DLG1: variants seen among roughly 807,000 people sequenced by gnomAD.
The protein encoded by DLG1 is discs large MAGUK scaffold protein 1.
DLG1 carries 42 observed loss-of-function variants against 123.4 expected under a neutral mutation model. The ratio of observed to expected loss-of-function variants is 0.34; its 90% CI spans 0.27 to 0.44. DLG1 has a LOEUF of 0.44. Ranked by LOEUF, DLG1 falls within the 20% of genes least tolerant of loss-of-function variation. DLG1 has a pLI of 1.00. For synonymous variants in DLG1, 317 were observed against 356.2 expected (o/e 0.89, Z 1.24); for missense variants, 942 against 1,082.6 (o/e 0.87, Z 1.82).
At chr3:197,217,353 G>C (rs898702986) in intron 4 of DLG1, among the ~76,000 whole-genome samples, 4 of 152,290 alleles carry the variant, frequency 2.6e-5, no homozygotes, top group South Asian at 2.1e-4. Context: ...TATGGATCAA[G>C]AACAATGAAT....
intron 6 of DLG1, among the ~76,000 whole-genome samples, chr3:197,144,471 A>G (rs1424077127): frequency 6.6e-6 from 1 of 152,154 alleles, no homozygotes; most frequent in Non-Finnish European, 1.5e-5. Flanking sequence ...AACCCACACC[A>G]TGTAAAGCAG....
At chr3:197,051,867 T>C (rs1355790883) in intron 23 of DLG1, among the ~76,000 whole-genome samples, 199 bp from the exon 24 acceptor site, 1 of 130,404 alleles carries the variant, frequency 7.7e-6, no homozygotes, top group Non-Finnish European at 1.6e-5. Flanking sequence ...TTTGAGACAG[T>C]GTCTGACACT....
chr3:197,136,959 T>C (rs1461806606), intron 9 of DLG1, among the ~76,000 whole-genome samples: 2 of 152,226 alleles, frequency 1.3e-5, no homozygotes, highest in Non-Finnish European at 2.9e-5. Flanking sequence ...CGAAATTATG[T>C]TTTACTTTTG....
intron 18 of DLG1, among the ~76,000 whole-genome samples, chr3:197,075,628 A>C (rs1205735512): frequency 2.0e-5 from 3 of 152,194 alleles, no homozygotes; most frequent in Non-Finnish European, 4.4e-5. Context: ...AGAATTTTTC[A>C]AATGACATGT....
rs760234405 is a variant in DLG1 at position 197,085,581 on chromosome 3, T to C, written c.1837A>G (p.Arg613Gly). 1 of 1,613,942 alleles carries C rather than the reference T, an allele frequency of 6.2e-7. No homozygotes were observed. The highest frequency in any genetic ancestry group is 1.7e-5 in the Admixed American group (1 of 59,990). Residue 613 changes from arginine to glycine, a missense_variant and splice_region_variant, in exon 16 of 25, where the codon AGA (arginine) becomes GGA (glycine). By Grantham distance (125) the Arg-to-Gly change is moderately radical (BLOSUM62 -2). Coordinates refer to ENST00000667157, the MANE Select transcript of DLG1 (RefSeq NM_001366207.1). ...DEVGVIPSKR[R>G]VEKKERARLK... ...TCAAGTGGTAAGAAACAGGCATACCTGCGTTTACTGGGAATCACTCCGACC... is the reference window on the plus strand; with the variant it reads ...TCAAGTGGTAAGAAACAGGCATACCCGCGTTTACTGGGAATCACTCCGACC...
intron 11 of DLG1, among the ~76,000 whole-genome samples, chr3:197,120,273 G>GAAAAAAA (rs3050713): frequency 3.9e-5 from 5 of 127,594 alleles, no homozygotes; most frequent in East Asian, 2.3e-4. Flanking sequence ...TCTCGAGAAA[G>GAAAAAAA]AAAAAAAAAA....
intron 19 of DLG1, chr3:197,068,351 A>G: frequency 6.7e-6 from 4 of 597,424 alleles, no homozygotes; most frequent in Non-Finnish European, 1.2e-5. Flanking sequence ...ATAATTAATA[A>G]AATGCTGAAA....
At chr3:197,271,016 G>C (rs1298269092) in intron 4 of DLG1, among the ~76,000 whole-genome samples, 2 of 152,194 alleles carry the variant, frequency 1.3e-5, no homozygotes, top group Non-Finnish European at 2.9e-5. Flanking sequence ...GGGGGGAAAA[G>C]AAGATAAGGA....
At chr3:197,127,448 AAAAAAAAAAATATATATATATATATAT>A (rs1428842963) in intron 11 of DLG1, among the ~76,000 whole-genome samples, 179 of 27,566 alleles carry the variant, frequency 6.5e-3, no homozygotes, top group South Asian at 0.019. Context: ...AAAAAAAAAA[AAAAAAAAAAATATATATATATATATAT>A]ATATATATAT....
At position 197,109,784 on chromosome 3, in the gene DLG1, A is replaced by G. The variant is rs142311681; in HGVS notation, c.1444-4779T>C. Among the ~76,000 whole-genome samples the G allele has an allele frequency of 4.7e-4, 72 of 152,316 alleles. No individual in the cohort carries two copies. The East Asian group carries it at 7.7e-3, about 16-fold the overall frequency. The stretch of plus-strand genomic sequence containing the variant: ...TGCTGGATATAGAGTTCTAGTCAAC[A>G]AAGTTTTTTTCTTTTCAGAATTTTG... On this transcript the variant is annotated intron_variant, in intron 13 of 24. Transcript: ENST00000667157.
intron 4 of DLG1, among the ~76,000 whole-genome samples, chr3:197,226,849 G>C (rs1740229288): frequency 6.6e-6 from 1 of 152,066 alleles, no homozygotes. Context: ...TCTGTGCTTT[G>C]GCTTTTTAAT....
intron 14 of DLG1, among the ~76,000 whole-genome samples, chr3:197,099,366 T>C (rs1356499690): frequency 1.3e-5 from 2 of 152,222 alleles, no homozygotes; most frequent in Non-Finnish European, 2.9e-5. Flanking sequence ...ATTTTTATTT[T>C]GACGGAAGAG....
chr3:197,173,577 G>T (rs904854954), intron 5 of DLG1, among the ~76,000 whole-genome samples: 1 of 152,008 alleles, frequency 6.6e-6, no homozygotes, highest in African/African-American at 2.4e-5. Context: ...AAGAGATTTT[G>T]TCTTTATTGT....
chr3:197,130,407 T>C (rs1781906211), intron 11 of DLG1, 120 bp downstream of exon 11: 1 of 910,806 alleles, frequency 1.1e-6, no homozygotes, highest in African/African-American at 1.7e-5. Context: ...ACATGCTTAA[T>C]TGTTTCTTTA....
At chr3:197,068,443 T>C (rs1741259989) in intron 19 of DLG1, 2 of 1,150,194 alleles carry the variant, frequency 1.7e-6, no homozygotes, top group East Asian at 4.9e-5. Flanking sequence ...TGAATGACGG[T>C]TAAAAGTATA....
rs374530643 is a variant in DLG1, at chr3:197,121,955, G to C, written c.1166-2425C>G. The stretch of plus-strand genomic sequence containing the variant: ...AAAATCCTTCCCAAGAAAACTCCAG[G>C]GCCAGACAGATAGATAGCTTCATTG... On this transcript the variant is annotated intron_variant, in intron 11 of 24. Coordinates refer to ENST00000667157, the MANE Select transcript of DLG1 (RefSeq NM_001366207.1). Among the ~76,000 whole-genome samples, 338 of 151,878 alleles carry C rather than the reference G, an allele frequency of 2.2e-3. 3 individuals carry two copies. The highest frequency in any genetic ancestry group is 7.7e-3 in the African/African-American group (318 of 41,444).
At chr3:197,256,218 G>T (rs190532407) in intron 4 of DLG1, among the ~76,000 whole-genome samples, 182 of 152,326 alleles carry the variant, frequency 1.2e-3, no homozygotes, top group Admixed American at 3.0e-3. Context: ...GTCTGTAAAA[G>T]TCTAGAGAGT....
chr3:197,072,180 A>G (rs949094586), intron 18 of DLG1, among the ~76,000 whole-genome samples: 1 of 152,172 alleles, frequency 6.6e-6, no homozygotes, highest in Non-Finnish European at 1.5e-5. Context: ...ACTGTAAGAC[A>G]TTTTACCACG....
chr3:197,241,697 G>A (rs1359308980), intron 4 of DLG1, among the ~76,000 whole-genome samples: 1 of 152,130 alleles, frequency 6.6e-6, no homozygotes, highest in Non-Finnish European at 1.5e-5. Flanking sequence ...TAGAGGGAGG[G>A]ATGAAGTTAA....
Sources: allele counts gnomAD v4.1 joint callset (sites outside exome capture counted in the v4.1 genomes callset), GRCh38; gene constraint gnomAD v4.1.1; transcripts MANE v1.5; gene names NCBI Gene and HGNC (gene_info 2026-07-23, HGNC 2026-07-21).